Variants in RSRC1 observed in about 807,000 individuals in gnomAD.
The protein encoded by RSRC1 is arginine and serine rich coiled-coil 1.
Under a neutral mutation model 49.1 loss-of-function variants are expected in RSRC1, and 39 were observed. The observed-to-expected ratio is 0.79, with a 90% confidence interval of 0.61 to 1.04. RSRC1 has a LOEUF of 1.04. RSRC1 is among the 50% of genes least tolerant of loss of function. RSRC1 has a pLI of 0.00. For synonymous variants in RSRC1, 143 were observed against 130.8 expected, an observed-to-expected ratio of 1.09 and a Z score of -0.63; for missense variants, 388 against 402.4, an observed-to-expected ratio of 0.96 and a Z score of 0.31.
chr3:158,272,760 T>C (rs1725591550), intron 4 of RSRC1, among the ~76,000 whole-genome samples: 1 of 152,044 alleles, frequency 6.6e-6, no homozygotes, highest in Non-Finnish European at 1.5e-5. Context: ...TTGATAACTA[T>C]TGATGTAAAT....
At chr3:158,313,627 T>C (rs994464870) in intron 5 of RSRC1, among the ~76,000 whole-genome samples, 6 of 152,224 alleles carry the variant, frequency 3.9e-5, no homozygotes, top group African/African-American at 1.4e-4. Context: ...TGAAAATTTT[T>C]TCATAAATTT....
intron 3 of RSRC1, among the ~76,000 whole-genome samples, chr3:158,179,401 T>G (rs2108249732): frequency 6.6e-6 from 1 of 152,324 alleles, no homozygotes; most frequent in East Asian, 1.9e-4. Context: ...TCTTTTGCTT[T>G]TAGACCCCCT....
At chr3:158,349,674 A>G (rs1040709322) in intron 5 of RSRC1, among the ~76,000 whole-genome samples, 1 of 145,652 alleles carries the variant, frequency 6.9e-6, no homozygotes, top group Non-Finnish European at 1.5e-5. Context: ...CTAAAAGTTT[A>G]CATTATTCTT....
At chr3:158,248,060 C>G (rs1037572327) in intron 4 of RSRC1, among the ~76,000 whole-genome samples, 5 of 152,170 alleles carry the variant, frequency 3.3e-5, no homozygotes, top group African/African-American at 1.2e-4. Context: ...CCTTTCATTC[C>G]TCTTCGAGAG....
chr3:158,428,271 A>G, intron 6 of RSRC1, among the ~76,000 whole-genome samples: 1 of 151,846 alleles, frequency 6.6e-6, no homozygotes, highest in East Asian at 1.9e-4. Flanking sequence ...ACAGATTTTA[A>G]GGGATAATGC....
chr3:158,537,102 C>G lies in RSRC1; in HGVS notation c.663C>G (p.Thr221=). ...AKRRKEEDQA[T]LVEQVKRVKE... ...TACCCTCTTTTTCAGACCAAGCCAC[C>G]CTGGTAGAACAAGTAAAAAGAGTAA... Residue 221 remains threonine (T), a synonymous_variant, in exon 8 of 10, where the codon ACC becomes ACG. Transcript: ENST00000611884. 2 of 1,607,972 alleles carry G rather than the reference C, an allele frequency of 1.2e-6. No individual in the cohort carries two copies. The highest frequency in any genetic ancestry group is 1.7e-4 in the Middle Eastern group (1 of 6,024).
intron 4 of RSRC1, among the ~76,000 whole-genome samples, chr3:158,273,360 C>A (rs966251523): frequency 6.6e-6 from 1 of 152,078 alleles, no homozygotes; most frequent in Non-Finnish European, 1.5e-5. Flanking sequence ...TATACACACA[C>A]AGATTCATCT....
intron 3 of RSRC1, among the ~76,000 whole-genome samples, chr3:158,198,724 A>C (rs1003485598): frequency 3.9e-5 from 6 of 152,104 alleles, no homozygotes; most frequent in Admixed American, 3.9e-4. Context: ...CCTCAGTTGG[A>C]AATGCAGAAA....
Position 158,354,854 on chromosome 3 carries a change from T to C in RSRC1, c.532-3T>C. On this transcript the variant is annotated splice_region_variant and splice_polypyrimidine_tract_variant and intron_variant, in intron 5 of 9. Transcript: ENST00000611884. ...GTTGAATTTTTTTTTTTTTCTTTTT[T>C]AGCCACCAGCTGAACAGGCCAAAGC... is the stretch of plus-strand genomic sequence containing the variant. The C allele has an allele frequency of 6.4e-7, 1 of 1,551,600 alleles. No individual in the cohort carries two copies. Among genetic ancestry groups the C allele is most frequent in the Non-Finnish European group, 8.7e-7 (1 of 1,150,116 alleles).
At chr3:158,298,198 C>CT in intron 5 of RSRC1, 123 bp downstream of exon 5, 1 of 730,674 alleles carries the variant, frequency 1.4e-6, no homozygotes, top group Non-Finnish European at 2.3e-6. Context: ...AAAGGGTCAG[C>CT]TTACTGTTAT....
At chr3:158,285,467 C>A (rs1188197310) in intron 4 of RSRC1, among the ~76,000 whole-genome samples, 3 of 152,172 alleles carry the variant, frequency 2.0e-5, no homozygotes, top group African/African-American at 4.8e-5. Flanking sequence ...GGCATTGAAT[C>A]TATAAATTTC....
intron 5 of RSRC1, among the ~76,000 whole-genome samples, chr3:158,342,942 T>C (rs1358906885): frequency 6.6e-6 from 1 of 152,208 alleles, no homozygotes; most frequent in Non-Finnish European, 1.5e-5. Flanking sequence ...CAGAGCCTAG[T>C]GGTCTCCTTG....
intron 6 of RSRC1, among the ~76,000 whole-genome samples, chr3:158,401,097 G>T (rs1473102812): frequency 6.6e-6 from 1 of 151,990 alleles, no homozygotes; most frequent in Admixed American, 6.6e-5. Context: ...GAAACAGTAG[G>T]CTATACTGTA....
At chr3:158,516,770 C>G (rs533304950) in intron 7 of RSRC1, among the ~76,000 whole-genome samples, 3 of 152,196 alleles carry the variant, frequency 2.0e-5, no homozygotes, top group African/African-American at 4.8e-5. Flanking sequence ...TAGGGCCCTC[C>G]GAGCCAGGTG....
chr3:158,304,250 T>G (rs1727724015), intron 5 of RSRC1, among the ~76,000 whole-genome samples: 1 of 152,168 alleles, frequency 6.6e-6, no homozygotes, highest in Non-Finnish European at 1.5e-5. Flanking sequence ...CCATTGCTAT[T>G]AGGTATTCAT....
At chr3:158,538,916 C>CT (rs1393148920) in intron 8 of RSRC1, among the ~76,000 whole-genome samples, 1 of 151,908 alleles carries the variant, frequency 6.6e-6, no homozygotes. Context: ...CAGTTTATTA[C>CT]TTTAGAAAGT....
At chr3:158,182,566 G>T (rs773081925) in intron 3 of RSRC1, among the ~76,000 whole-genome samples, 5 of 152,100 alleles carry the variant, frequency 3.3e-5, no homozygotes, top group African/African-American at 4.8e-5. Context: ...ACTTATTGCA[G>T]CCTTAGGTTT....
chr3:158,333,451 AT>A (rs1729678283), intron 5 of RSRC1, among the ~76,000 whole-genome samples: 1 of 152,158 alleles, frequency 6.6e-6, no homozygotes, highest in Non-Finnish European at 1.5e-5. Flanking sequence ...AAATAAAATT[AT>A]TTTTTGTAAC....
intron 8 of RSRC1, 142 bp downstream of exon 8, chr3:158,537,340 A>G: frequency 1.9e-6 from 1 of 524,582 alleles, no homozygotes; most frequent in Non-Finnish European, 3.4e-6. Context: ...GAGAGAGAGA[A>G]AACAAATCAG....
Sources: allele counts gnomAD v4.1 joint callset (sites outside exome capture counted in the v4.1 genomes callset), GRCh38; gene constraint gnomAD v4.1.1; transcripts MANE v1.5; gene names NCBI Gene and HGNC (gene_info 2026-07-23, HGNC 2026-07-21).